GALNT13: variants seen among roughly 807,000 people sequenced by gnomAD.
GALNT13 encodes polypeptide N-acetylgalactosaminyltransferase 13.
In GALNT13, 28 loss-of-function variants were observed where a neutral mutation model predicts 64.2. The ratio of observed to expected loss-of-function variants is 0.44; its 90% CI spans 0.32 to 0.60. The LOEUF is 0.60. Among genes scored for constraint, GALNT13 ranks in the 20% least tolerant of loss-of-function variants. The pLI is 0.05. For synonymous variants in GALNT13, 214 were observed against 224.6 expected (o/e 0.95, Z 0.42); for missense variants, 577 against 669.8 (o/e 0.86, Z 1.53).
chr2:153,352,683 G>A, the GALNT13 span, among the ~76,000 whole-genome samples: 46,308 of 151,876 alleles, frequency 0.3, 7,590 homozygotes, highest in Non-Finnish European at 0.38. Context: ...TAAATGTTCC[G>A]TTGTTCCAGC....
the GALNT13 span, among the ~76,000 whole-genome samples, chr2:153,186,485 A>T: frequency 6.6e-6 from 1 of 151,700 alleles, no homozygotes; most frequent in Non-Finnish European, 1.5e-5. Flanking sequence ...TGTGAATTTG[A>T]TCCTGCCATC....
At chr2:154,059,865 G>T (rs1329639772) in intron 3 of GALNT13, among the ~76,000 whole-genome samples, 1 of 152,142 alleles carries the variant, frequency 6.6e-6, no homozygotes, top group African/African-American at 2.4e-5. Flanking sequence ...ATTTACCAAG[G>T]TGTGGGCACG....
intron 3 of GALNT13, among the ~76,000 whole-genome samples, chr2:154,116,585 A>G (rs902248184): frequency 1.2e-4 from 18 of 152,148 alleles, no homozygotes; most frequent in African/African-American, 4.3e-4. Flanking sequence ...TTCTCTACAT[A>G]CAGTCAAAGA....
the GALNT13 span, among the ~76,000 whole-genome samples, chr2:153,400,284 C>T: frequency 6.6e-6 from 1 of 152,178 alleles, no homozygotes; most frequent in Non-Finnish European, 1.5e-5. Context: ...CCCACTTCAT[C>T]ATGGTGGATA....
At chr2:154,424,867 C>T (rs928031653) in intron 11 of GALNT13, among the ~76,000 whole-genome samples, 2 of 152,168 alleles carry the variant, frequency 1.3e-5, no homozygotes, top group African/African-American at 4.8e-5. Context: ...TTTGGGGGAA[C>T]CCAAACTAAA....
chr2:153,102,523 C>T, the GALNT13 span, among the ~76,000 whole-genome samples: 1 of 152,086 alleles, frequency 6.6e-6, no homozygotes, highest in South Asian at 2.1e-4. Context: ...AAAATGTAAT[C>T]ACCATTACAA....
intron 4 of GALNT13, among the ~76,000 whole-genome samples, chr2:154,201,620 ATGT>A (rs1687176535): frequency 6.6e-6 from 1 of 152,104 alleles, no homozygotes; most frequent in Non-Finnish European, 1.5e-5. Context: ...TGACCATAAA[ATGT>A]TGTTCTTTAG....
the GALNT13 span, among the ~76,000 whole-genome samples, chr2:153,480,105 T>C: frequency 2.6e-5 from 4 of 152,232 alleles, no homozygotes; most frequent in Admixed American, 2.0e-4. Flanking sequence ...CACATGTATA[T>C]GTGTATCAAA....
At position 154,035,928 on chromosome 2, in the gene GALNT13, G is replaced by A. The variant is rs72995316; in HGVS notation, c.142+91289G>A. 2.2e-3 allele frequency among the ~76,000 whole-genome samples: 335 copies of A among 151,976 alleles called. 3 individuals carry two copies. The highest frequency in any genetic ancestry group is 7.5e-3 in the African/African-American group (311 of 41,498). ...GATATTTCCATGTCTAATATTGTAG[G>A]TAACAAAAATGATAGACTTATATCT... On this transcript the variant is annotated intron_variant, in intron 3 of 12. Transcript: ENST00000392825.
the GALNT13 span, among the ~76,000 whole-genome samples, chr2:153,732,448 A>G: frequency 6.6e-6 from 1 of 152,006 alleles, no homozygotes; most frequent in Non-Finnish European, 1.5e-5. Flanking sequence ...GTTGATTCTC[A>G]TATGTGGTTA....
At chr2:154,264,951 A>G (rs1690907426) in intron 8 of GALNT13, among the ~76,000 whole-genome samples, 1 of 150,626 alleles carries the variant, frequency 6.6e-6, no homozygotes. Context: ...AATATTCCAC[A>G]TATATGATAC....
chr2:153,476,667 C>A, the GALNT13 span, among the ~76,000 whole-genome samples: 1 of 152,164 alleles, frequency 6.6e-6, no homozygotes, highest in Non-Finnish European at 1.5e-5. Context: ...TCCTCTCAAC[C>A]CTTTGCCTGG....
intron 3 of GALNT13, among the ~76,000 whole-genome samples, chr2:154,112,561 C>A (rs950341340): frequency 2.6e-5 from 4 of 152,222 alleles, no homozygotes; most frequent in Non-Finnish European, 5.9e-5. Flanking sequence ...CTTCCATGTC[C>A]TTGACCATCC....
chr2:153,744,494 T>C, the GALNT13 span, among the ~76,000 whole-genome samples: 733 of 152,288 alleles, frequency 4.8e-3, 9 homozygotes, highest in African/African-American at 0.016. Flanking sequence ...AAGTATATAT[T>C]CAGATATTTT....
the GALNT13 span, among the ~76,000 whole-genome samples, chr2:153,671,787 G>T: frequency 6.6e-6 from 1 of 152,138 alleles, no homozygotes; most frequent in Non-Finnish European, 1.5e-5. Flanking sequence ...ACCCGTTGGT[G>T]TGCTGTATTC....
chr2:153,160,786 T>C, the GALNT13 span, among the ~76,000 whole-genome samples: 2 of 152,182 alleles, frequency 1.3e-5, no homozygotes, highest in African/African-American at 4.8e-5. Flanking sequence ...GCTAATATCA[T>C]AGTGGTATCC....
At chr2:153,173,051 C>CTGTG in the GALNT13 span, among the ~76,000 whole-genome samples, 1 of 151,502 alleles carries the variant, frequency 6.6e-6, no homozygotes, top group South Asian at 2.1e-4. Flanking sequence ...GTGAACATTA[C>CTGTG]AAGATATATG....
At chr2:153,840,073 T>C in the GALNT13 span, among the ~76,000 whole-genome samples, 1 of 152,098 alleles carries the variant, frequency 6.6e-6, no homozygotes, top group Non-Finnish European at 1.5e-5. Flanking sequence ...GGGTGGCACA[T>C]TGTAGTTATT....
At chr2:153,640,657 C>A in the GALNT13 span, among the ~76,000 whole-genome samples, 1 of 152,170 alleles carries the variant, frequency 6.6e-6, no homozygotes, top group Non-Finnish European at 1.5e-5. Flanking sequence ...TGGCACACGA[C>A]TGTAGTCCCA....
Sources: gnomAD v4.1 joint callset for allele counts (sites outside exome capture counted in the v4.1 genomes callset) on GRCh38, gnomAD v4.1.1 for gene constraint, MANE v1.5 for transcripts, NCBI Gene and HGNC (gene_info 2026-07-23, HGNC 2026-07-21) for gene names.